IFFO2: variants seen among roughly 807,000 people sequenced by gnomAD.
IFFO2 encodes the protein intermediate filament family orphan 2.
IFFO2 carries 19 observed loss-of-function variants against 53.5 expected under a neutral mutation model. The ratio of observed to expected loss-of-function variants is 0.36; its 90% CI spans 0.25 to 0.52. IFFO2 has a LOEUF of 0.52. Among genes scored for constraint, IFFO2 ranks in the 20% least tolerant of loss-of-function variants. The pLI is 0.94. For missense variants in IFFO2, 570 were observed against 727.4 expected (o/e 0.78, Z 2.49); for synonymous variants, 303 against 313.6 (o/e 0.97, Z 0.36).
intron 1 of IFFO2, among the ~76,000 whole-genome samples, chr1:18,941,672 G>C (rs1390382807): frequency 6.6e-6 from 1 of 152,214 alleles, no homozygotes; most frequent in African/African-American, 2.4e-5. Flanking sequence ...GAATGAGCTT[G>C]CATGTGTGGC....
At chr1:18,934,443 T>G (rs558819371) in intron 1 of IFFO2, among the ~76,000 whole-genome samples, 253 of 152,152 alleles carry the variant, frequency 1.7e-3, no homozygotes, top group Non-Finnish European at 2.4e-3. Flanking sequence ...TTTCCCCTCC[T>G]TCTGTATCTT....
At chr1:18,938,412 A>G (rs78691361) in intron 1 of IFFO2, among the ~76,000 whole-genome samples, 13 of 152,294 alleles carry the variant, frequency 8.5e-5, no homozygotes, top group African/African-American at 3.1e-4. Context: ...GAGCTGCACC[A>G]TGCTTCCCCT....
intron 5 of IFFO2, among the ~76,000 whole-genome samples, chr1:18,913,078 G>GCT (rs2100643154): frequency 6.6e-6 from 1 of 152,326 alleles, no homozygotes; most frequent in East Asian, 1.9e-4. Context: ...CCATCCCAGG[G>GCT]CTCTCCCCAT....
intron 1 of IFFO2, among the ~76,000 whole-genome samples, chr1:18,931,881 G>A (rs17387963): frequency 0.32 from 48,122 of 152,136 alleles, 9,523 homozygotes; most frequent in South Asian, 0.48. Flanking sequence ...CTGGGTTACA[G>A]TGCCACGGTC....
chr1:18,939,419 A>G (rs544004032), intron 1 of IFFO2, among the ~76,000 whole-genome samples: 2 of 152,362 alleles, frequency 1.3e-5, no homozygotes, highest in East Asian at 3.9e-4. Flanking sequence ...GGCTGGCTGA[A>G]TGGCTGTGGA....
Position 18,910,439 on chromosome 1 carries a change from G to A in IFFO2, c.1351C>T (p.Arg451Ter). 4.3e-6 allele frequency: 7 copies of A among 1,613,850 alleles called. No homozygotes were observed. The highest frequency in any genetic ancestry group is 5.9e-6 in the Non-Finnish European group (7 of 1,179,876). ...ELATAKSDMN[R>*]HLHEYMEMCS... ...ATCTCCATGTACTCGTGCAGGTGTC[G>A]GTTCATGTCACTTTTGGCTGTGGCC... The change falls in exon 8 of 9, where the codon CGA (arginine) becomes TGA (stop). Residue 451 changes from arginine (R) to a stop codon, truncating the protein, a stop_gained. Coordinates refer to ENST00000455833, the MANE Select transcript of IFFO2 (RefSeq NM_001136265.2). LOFTEE classifies it high-confidence loss of function.
At chr1:18,938,213 TC>T (rs1339746395) in intron 1 of IFFO2, among the ~76,000 whole-genome samples, 1 of 152,212 alleles carries the variant, frequency 6.6e-6, no homozygotes, top group Non-Finnish European at 1.5e-5. Flanking sequence ...AGTTTCCTCA[TC>T]TGTAAAATGG....
In IFFO2 at chr1:18,911,423, C is replaced by G; in HGVS notation, c.1278G>C (p.Thr426=). The change falls in exon 7 of 9, where the codon ACG becomes ACC. Residue 426 remains threonine (T), a synonymous_variant. Transcript: ENST00000455833. ...LIHETESFFK[T]RDKEYQETIG... ...TCGTTTCCTGGTACTCCTTGTCTCT[C>G]GTCTTGAAGAAGGATTCGGTCTCAT... The G allele has an allele frequency of 6.6e-7, 1 of 1,523,040 alleles. No individual in the cohort carries two copies. Among genetic ancestry groups the G allele is most frequent in the Non-Finnish European group, 8.8e-7 (1 of 1,134,610 alleles). 94.3% of individuals were successfully genotyped at this position (1,523,040 alleles called of 1,614,324 possible). A position where few individuals can be genotyped will look rare whatever the true frequency, so the allele number is the denominator to read the frequency against.
rs573263733 is a variant in IFFO2, at chr1:18,924,134, G to A, written c.666-3013C>T. Among the ~76,000 whole-genome samples the A allele has an allele frequency of 2.0e-5, 3 of 152,338 alleles. No homozygotes were observed. The South Asian group carries it at 6.2e-4, about 32-fold the overall frequency. ...CCTGACATCCCTCCCGGCGGTGGTG[G>A]AGAAAACCTGGCTCCGCCAGCTCCA... is the stretch of plus-strand genomic sequence containing the variant. On this transcript the variant is annotated intron_variant, in intron 1 of 8. Transcript: ENST00000455833.
chr1:18,924,353 C>T (rs1936253644), intron 1 of IFFO2, among the ~76,000 whole-genome samples: 1 of 149,614 alleles, frequency 6.7e-6, no homozygotes, highest in Non-Finnish European at 1.5e-5. Flanking sequence ...ACACCAGCTT[C>T]CCAAGCACAA....
chr1:18,944,684 G>T (rs1039949223), intron 1 of IFFO2, among the ~76,000 whole-genome samples: 1 of 152,144 alleles, frequency 6.6e-6, no homozygotes, highest in Non-Finnish European at 1.5e-5. Context: ...GCTCACATGC[G>T]TGTATACACA....
intron 1 of IFFO2, among the ~76,000 whole-genome samples, chr1:18,951,838 G>A (rs191021519): frequency 1.7e-3 from 252 of 152,312 alleles, no homozygotes; most frequent in Non-Finnish European, 2.6e-3. Context: ...GGAAGGGGAA[G>A]CCCAGAACAG....
At position 18,955,901 on chromosome 1, in the gene IFFO2, G is replaced by T; in HGVS notation, c.432C>A (p.Pro144=). ...GCTGCGGGTGCGAGCCGCCGCCGGGGGGCAGGCCGCCCAGGGCCACGGCAT... is the reference window on the plus strand; with the variant it reads ...GCTGCGGGTGCGAGCCGCCGCCGGGTGGCAGGCCGCCCAGGGCCACGGCAT... The part of the protein sequence containing the change: ...NANAVALGGL[P]PGGGSHPQHY... The change falls in exon 1 of 9, where the codon CCC becomes CCA. Residue 144 remains proline (P), a synonymous_variant. Coordinates refer to ENST00000455833, the MANE Select transcript of IFFO2 (RefSeq NM_001136265.2). 3.0e-6 allele frequency: 4 copies of T among 1,343,014 alleles called. No homozygotes were observed. Among genetic ancestry groups the T allele is most frequent in the Non-Finnish European group, 3.8e-6 (4 of 1,056,570 alleles). The allele number at this position is 1,343,014 out of a possible 1,614,324, so 83.2% of individuals were successfully genotyped here.
At position 18,955,982 on chromosome 1, in the gene IFFO2, C is replaced by T. The variant is rs1166722636; in HGVS notation, c.351G>A (p.Pro117=). The change falls in exon 1 of 9, where the codon CCG becomes CCA. Residue 117 remains proline, a synonymous_variant. Transcript: ENST00000455833. ...VQTGPELLRP[P]APGGGHGLSS... ...TGAGGCCGTGCCCGCCGCCGGGCGC[C>T]GGGGGCCGCAGCAACTCGGGCCCGG... is the stretch of plus-strand genomic sequence containing the variant. The T allele has an allele frequency of 7.5e-7, 1 of 1,335,870 alleles. No individual in the cohort carries two copies. The highest frequency in any genetic ancestry group is 9.7e-7 in the Non-Finnish European group (1 of 1,033,608). 82.8% of individuals were successfully genotyped at this position (1,335,870 alleles called of 1,614,324 possible).
chr1:18,932,764 G>C (rs959459245), intron 1 of IFFO2, among the ~76,000 whole-genome samples: 18 of 152,292 alleles, frequency 1.2e-4, no homozygotes, highest in Admixed American at 3.3e-4. Context: ...AGGCCCCGGG[G>C]ATGAGGCAGG....
In IFFO2 at chr1:18,919,301, G is replaced by C. The variant is rs1288128921; in HGVS notation, c.822+377C>G. 1.3e-5 allele frequency among the ~76,000 whole-genome samples: 2 copies of C among 152,208 alleles called. No homozygotes were observed. The highest frequency in any genetic ancestry group is 2.9e-5 in the Non-Finnish European group (2 of 68,042). ...CCTGCGAGTCTCTCAGGCCCGCACAGACCAGACGGCACCTGGCCCAACCTG... is the reference window on the plus strand; with the variant it reads ...CCTGCGAGTCTCTCAGGCCCGCACACACCAGACGGCACCTGGCCCAACCTG... On this transcript the variant is annotated intron_variant, in intron 3 of 8. Coordinates refer to ENST00000455833, the MANE Select transcript of IFFO2 (RefSeq NM_001136265.2). This position sits in a 1 kb window ranked among gnomAD's most constrained non-coding sequence, Gnocchi z 4.9.
At chr1:18,944,373 G>A (rs1370828773) in intron 1 of IFFO2, among the ~76,000 whole-genome samples, 1 of 152,058 alleles carries the variant, frequency 6.6e-6, no homozygotes, top group African/African-American at 2.4e-5. Context: ...GACAGCCAGG[G>A]CGATCGGGGG....
rs1935998337 is a variant in IFFO2 at position 18,909,284 on chromosome 1, T to C, written c.1449-618A>G. 5.9e-5 allele frequency among the ~76,000 whole-genome samples: 9 copies of C among 152,232 alleles called. No homozygotes were observed. The South Asian group carries it at 1.9e-3, about 32-fold the overall frequency. ...AACGAGGAAAACAGTGACAACGTATTTGTGCTGTGTGGCAGGCATTCTCCT... is the reference window on the plus strand; with the variant it reads ...AACGAGGAAAACAGTGACAACGTATCTGTGCTGTGTGGCAGGCATTCTCCT... On this transcript the variant is annotated intron_variant, in intron 8 of 8. Coordinates refer to ENST00000455833, the MANE Select transcript of IFFO2 (RefSeq NM_001136265.2).
In IFFO2 at chr1:18,916,931, C is replaced by T. The variant is rs950257355; in HGVS notation, c.1075G>A (p.Asp359Asn). ...TGGTTAAACATGCGCTTCATCTCATCGGTGATGTTCATGGAGCCGACCTCA... is the reference window on the plus strand; with the variant it reads ...TGGTTAAACATGCGCTTCATCTCATTGGTGATGTTCATGGAGCCGACCTCA... ...DDEVGSMNIT[D>N]EMKRMFNQLR... Residue 359 changes from aspartate to asparagine, a missense_variant, in exon 5 of 9, where the codon GAT becomes AAT. Asp to Asn is a conservative substitution (Grantham distance 23). Transcript: ENST00000455833. This position sits in a 1 kb window ranked among gnomAD's most constrained non-coding sequence, Gnocchi z 4.3. 1.3e-6 allele frequency: 2 copies of T among 1,551,918 alleles called. No individual in the cohort carries two copies. The highest frequency in any genetic ancestry group is 1.7e-6 in the Non-Finnish European group (2 of 1,147,032).
Sources: allele counts gnomAD v4.1 joint callset (sites outside exome capture counted in the v4.1 genomes callset), GRCh38; gene constraint gnomAD v4.1.1; non-coding constraint Gnocchi (gnomAD v3.1); transcripts MANE v1.5; gene names NCBI Gene and HGNC (gene_info 2026-07-23, HGNC 2026-07-21).